EXOC6B: variants seen among roughly 807,000 people sequenced by gnomAD.
EXOC6B encodes exocyst complex component 6B.
EXOC6B carries 54 observed loss-of-function variants against 113.5 expected under a neutral mutation model. That is an observed-to-expected ratio of 0.48 (90% CI 0.38 to 0.60). EXOC6B has a LOEUF of 0.60. EXOC6B is among the 20% of genes least tolerant of loss of function. The pLI, the probability that EXOC6B is intolerant of heterozygous loss-of-function variation, is 0.00. For synonymous variants in EXOC6B, 357 were observed against 339.0 expected, an observed-to-expected ratio of 1.05 and a Z score of -0.58; for missense variants, 797 against 977.5, an observed-to-expected ratio of 0.82 and a Z score of 2.46.
intron 20 of EXOC6B, among the ~76,000 whole-genome samples, chr2:72,229,601 G>T (rs1468174144): frequency 1.3e-5 from 2 of 152,154 alleles, no homozygotes; most frequent in Non-Finnish European, 2.9e-5. Context: ...GATGAAGAGA[G>T]AGACAATCCA....
intron 20 of EXOC6B, among the ~76,000 whole-genome samples, chr2:72,207,493 G>A (rs746371206): frequency 1.3e-5 from 2 of 152,136 alleles, no homozygotes; most frequent in African/African-American, 4.8e-5. Context: ...GTTAATTCAC[G>A]CAAAAGCACT....
intron 6 of EXOC6B, among the ~76,000 whole-genome samples, chr2:72,600,096 A>G (rs943047542): frequency 1.3e-5 from 2 of 152,172 alleles, no homozygotes; most frequent in African/African-American, 4.8e-5. Flanking sequence ...CATAATACTA[A>G]CGAAGAGGAA....
At chr2:72,720,677 C>T (rs1455786338) in intron 5 of EXOC6B, among the ~76,000 whole-genome samples, 2 of 151,960 alleles carry the variant, frequency 1.3e-5, no homozygotes, top group African/African-American at 2.4e-5. Flanking sequence ...CACTTAAACC[C>T]GGGTGGGCAG....
chr2:72,292,779 C>A (rs533728656), intron 20 of EXOC6B, among the ~76,000 whole-genome samples: 67 of 152,256 alleles, frequency 4.4e-4, no homozygotes, highest in African/African-American at 1.6e-3. Flanking sequence ...TAAATGGAAT[C>A]ATATAATATA....
intron 7 of EXOC6B, among the ~76,000 whole-genome samples, chr2:72,565,334 G>A (rs1457106187): frequency 8.1e-6 from 1 of 124,058 alleles, no homozygotes; most frequent in African/African-American, 3.1e-5. Context: ...CTGAGTGACA[G>A]AGTGAGACCC....
At chr2:72,358,467 A>G (rs1356209556) in intron 19 of EXOC6B, among the ~76,000 whole-genome samples, 2 of 152,168 alleles carry the variant, frequency 1.3e-5, no homozygotes, top group Admixed American at 1.3e-4. Context: ...CTTACCAATG[A>G]TGATGATGTC....
At chr2:72,277,085 C>A (rs1239854435) in intron 20 of EXOC6B, among the ~76,000 whole-genome samples, 1 of 152,156 alleles carries the variant, frequency 6.6e-6, no homozygotes, top group Non-Finnish European at 1.5e-5. Context: ...ATTTCCAAAT[C>A]AGGGAGGTAA....
At chr2:72,667,742 T>C (rs1675495886) in intron 6 of EXOC6B, among the ~76,000 whole-genome samples, 1 of 152,136 alleles carries the variant, frequency 6.6e-6, no homozygotes, top group Non-Finnish European at 1.5e-5. Flanking sequence ...ACTAAAGAAT[T>C]AAATGTAAGA....
chr2:72,624,507 A>G (rs994874213), intron 6 of EXOC6B, among the ~76,000 whole-genome samples: 3 of 152,200 alleles, frequency 2.0e-5, no homozygotes, highest in Non-Finnish European at 4.4e-5. Context: ...TTGGGAGGCC[A>G]AGACAAGAGG....
chr2:72,509,188 A>G (rs1700767410), intron 11 of EXOC6B, among the ~76,000 whole-genome samples: 1 of 152,238 alleles, frequency 6.6e-6, no homozygotes, highest in Non-Finnish European at 1.5e-5. Flanking sequence ...AAGTGAGGAC[A>G]GAGTGAGAAG....
intron 20 of EXOC6B, among the ~76,000 whole-genome samples, chr2:72,207,082 C>T (rs1679885452): frequency 6.6e-6 from 1 of 152,096 alleles, no homozygotes; most frequent in African/African-American, 2.4e-5. Flanking sequence ...CCCACGAATT[C>T]AGAATAGACA....
intron 20 of EXOC6B, among the ~76,000 whole-genome samples, chr2:72,227,447 C>A (rs534250268): frequency 2.0e-5 from 3 of 152,104 alleles, no homozygotes; most frequent in South Asian, 4.2e-4. Context: ...TCTGAAAACA[C>A]ACAAATACAC....
intron 20 of EXOC6B, among the ~76,000 whole-genome samples, chr2:72,310,329 C>G (rs920563715): frequency 9.2e-5 from 14 of 152,216 alleles, no homozygotes; most frequent in African/African-American, 3.4e-4. Context: ...TTATAGCCAA[C>G]CTGGTGGGTA....
chr2:72,198,081 C>A (rs1238501202), intron 20 of EXOC6B, among the ~76,000 whole-genome samples: 1 of 152,132 alleles, frequency 6.6e-6, no homozygotes, highest in East Asian at 1.9e-4. Context: ...TAATTAGGGT[C>A]ATTACCAGTC....
At chr2:72,796,837 T>G (rs943094162) in intron 1 of EXOC6B, among the ~76,000 whole-genome samples, 2 of 152,316 alleles carry the variant, frequency 1.3e-5, no homozygotes, top group Non-Finnish European at 2.9e-5. Flanking sequence ...AGGAGACAGC[T>G]AGCTCAATCT....
At position 72,660,551 on chromosome 2, in the gene EXOC6B, A is replaced by G. The variant is rs1438544149; in HGVS notation, c.669+57552T>C. Among the ~76,000 whole-genome samples, 7 of 152,318 alleles carry G rather than the reference A, an allele frequency of 4.6e-5. No homozygotes were observed. In the East Asian group the frequency reaches 1.2e-3, roughly 25 times the overall value. On this transcript the variant is annotated intron_variant, in intron 6 of 21. Coordinates refer to ENST00000272427, the MANE Select transcript of EXOC6B (RefSeq NM_015189.3). ...TCAGAGAATATTCTCAATTATAACT[A>G]TGGCAACATCAAGAGAACATTTATT...
At chr2:72,377,975 A>G (rs1291792328) in intron 19 of EXOC6B, among the ~76,000 whole-genome samples, 1 of 151,784 alleles carries the variant, frequency 6.6e-6, no homozygotes, top group Non-Finnish European at 1.5e-5. Flanking sequence ...GAAAAAAAAA[A>G]CAGAGGAGCT....
intron 6 of EXOC6B, among the ~76,000 whole-genome samples, chr2:72,665,474 A>T (rs950009672): frequency 6.6e-6 from 1 of 152,158 alleles, no homozygotes; most frequent in African/African-American, 2.4e-5. Flanking sequence ...CTTATAAAGG[A>T]AATAGCATTA....
chr2:72,362,063 A>G (rs2104986728), intron 19 of EXOC6B, among the ~76,000 whole-genome samples: 1 of 152,288 alleles, frequency 6.6e-6, no homozygotes, highest in East Asian at 1.9e-4. Context: ...AGTGAGGGTT[A>G]TTATGGTAAG....
Sources: allele counts gnomAD v4.1 joint callset (sites outside exome capture counted in the v4.1 genomes callset), GRCh38; gene constraint gnomAD v4.1.1; transcripts MANE v1.5; gene names NCBI Gene and HGNC (gene_info 2026-07-23, HGNC 2026-07-21).